Variants in HS3ST3A1 observed in about 807,000 individuals in gnomAD.
HS3ST3A1 encodes heparan sulfate glucosamine 3-O-sulfotransferase 3A1.
HS3ST3A1 carries 19 observed loss-of-function variants against 25.7 expected under a neutral mutation model. The observed-to-expected ratio is 0.74, with a 90% CI of 0.52 to 1.08. The LOEUF (loss-of-function observed/expected upper bound fraction) is 1.08, where lower values mean the gene tolerates loss of function less well. Among genes scored for constraint, HS3ST3A1 ranks in the 50% least tolerant of loss-of-function variants. The pLI, the probability that HS3ST3A1 is intolerant of heterozygous loss-of-function variation, is 0.00. For synonymous variants in HS3ST3A1, 226 were observed against 278.6 expected (o/e 0.81, Z 1.88); for missense variants, 459 against 594.3 (o/e 0.77, Z 2.37).
chr17:13,521,016 T>C (rs909014850), intron 1 of HS3ST3A1, among the ~76,000 whole-genome samples: 1 of 152,110 alleles, frequency 6.6e-6, no homozygotes, highest in African/African-American at 2.4e-5. Flanking sequence ...CTTTCCAAAT[T>C]CTCTATGGTT....
At chr17:13,584,140 G>A (rs980452023) in intron 1 of HS3ST3A1, among the ~76,000 whole-genome samples, 1 of 152,088 alleles carries the variant, frequency 6.6e-6, no homozygotes, top group African/African-American at 2.4e-5. Context: ...ATGTTAATGA[G>A]GAAAAACCAT....
rs369483295 is a variant in HS3ST3A1 at position 13,594,609 on chromosome 17, A to G, written c.599+5922T>C. Among the ~76,000 whole-genome samples, 28 of 152,320 alleles carry G rather than the reference A, an allele frequency of 1.8e-4. No individual in the cohort carries two copies. The East Asian group carries it at 2.3e-3, about 13-fold the overall frequency. On this transcript the variant is annotated intron_variant, in intron 1 of 1. Coordinates refer to ENST00000284110, the MANE Select transcript of HS3ST3A1 (RefSeq NM_006042.3). ...CACAGAGGCAAAACACACTAACAAA[A>G]GTAATCTGGGGCATATGGTATTCCT... is the stretch of plus-strand genomic sequence containing the variant.
At chr17:13,582,973 A>G (rs183979424) in intron 1 of HS3ST3A1, among the ~76,000 whole-genome samples, 1 of 152,336 alleles carries the variant, frequency 6.6e-6, no homozygotes, top group East Asian at 1.9e-4. Flanking sequence ...ACAGCCATTC[A>G]TTCTCCAGAT....
intron 1 of HS3ST3A1, among the ~76,000 whole-genome samples, chr17:13,596,412 C>T (rs902389298): frequency 1.4e-4 from 9 of 66,438 alleles, no homozygotes; most frequent in African/African-American, 3.5e-4. Flanking sequence ...AGGGTGTGCG[C>T]GTGCGTACAC....
chr17:13,572,338 G>T (rs1907838803), intron 1 of HS3ST3A1, among the ~76,000 whole-genome samples: 1 of 152,172 alleles, frequency 6.6e-6, no homozygotes, highest in South Asian at 2.1e-4. Context: ...AGGATCAAAG[G>T]TTGGGCTCCT....
chr17:13,534,740 T>A (rs1350312578), intron 1 of HS3ST3A1, among the ~76,000 whole-genome samples: 1 of 151,324 alleles, frequency 6.6e-6, no homozygotes. Flanking sequence ...AAAAAATAAA[T>A]AATGGCAGGG....
chr17:13,517,699 TG>T (rs1440845955), intron 1 of HS3ST3A1, among the ~76,000 whole-genome samples: 5 of 152,194 alleles, frequency 3.3e-5, no homozygotes, highest in African/African-American at 9.7e-5. Context: ...TCGCCGAGGC[TG>T]GAATGCAGTG....
intron 1 of HS3ST3A1, among the ~76,000 whole-genome samples, chr17:13,551,581 A>G (rs1252597977): frequency 7.1e-6 from 1 of 141,534 alleles, no homozygotes; most frequent in African/African-American, 2.6e-5. Flanking sequence ...TTGGCTCTAA[A>G]CGATTTTCCC....
At chr17:13,498,061 C>T (rs756903959) in intron 1 of HS3ST3A1, among the ~76,000 whole-genome samples, 9 of 152,208 alleles carry the variant, frequency 5.9e-5, no homozygotes, top group Non-Finnish European at 1.0e-4. Flanking sequence ...AAACACCTCA[C>T]ATCCAGCTTC....
At chr17:13,544,406 C>G (rs1480928620) in intron 1 of HS3ST3A1, among the ~76,000 whole-genome samples, 1 of 152,218 alleles carries the variant, frequency 6.6e-6, no homozygotes, top group Non-Finnish European at 1.5e-5. Flanking sequence ...CTGTAGGGGT[C>G]TGGGACGACC....
At chr17:13,582,608 G>A (rs756783354) in intron 1 of HS3ST3A1, among the ~76,000 whole-genome samples, 58 of 152,284 alleles carry the variant, frequency 3.8e-4, no homozygotes, top group Non-Finnish European at 6.6e-4. Flanking sequence ...TTTGCTAAAC[G>A]ATCAAGGAGT....
intron 1 of HS3ST3A1, chr17:13,543,752 T>C (rs1466192759): frequency 6.5e-6 from 1 of 153,704 alleles, no homozygotes; most frequent in Non-Finnish European, 1.5e-5. Context: ...CTGTTAAAGC[T>C]TTTCAAAAGA....
chr17:13,542,747 G>C (rs573946174), intron 1 of HS3ST3A1, among the ~76,000 whole-genome samples: 1 of 152,134 alleles, frequency 6.6e-6, no homozygotes, highest in South Asian at 2.1e-4. Context: ...ATGACTGGTG[G>C]CTGGGGGCTC....
chr17:13,596,657 T>A (rs1908586414), intron 1 of HS3ST3A1, among the ~76,000 whole-genome samples: 1 of 152,156 alleles, frequency 6.6e-6, no homozygotes, highest in African/African-American at 2.4e-5. Flanking sequence ...CCTCATCTAT[T>A]CCCAATGTTC....
intron 1 of HS3ST3A1, among the ~76,000 whole-genome samples, chr17:13,506,352 T>G (rs1346043521): frequency 6.6e-6 from 1 of 152,218 alleles, no homozygotes; most frequent in East Asian, 1.9e-4. Context: ...TCAATGTCTG[T>G]AGGACTTTCC....
At chr17:13,498,278 A>T (rs189678930) in intron 1 of HS3ST3A1, among the ~76,000 whole-genome samples, 2 of 152,264 alleles carry the variant, frequency 1.3e-5, no homozygotes, top group African/African-American at 4.8e-5. Flanking sequence ...TTAATGATGC[A>T]GGTACTGGGA....
intron 1 of HS3ST3A1, among the ~76,000 whole-genome samples, chr17:13,576,396 T>C (rs1024501870): frequency 1.3e-5 from 2 of 152,192 alleles, no homozygotes; most frequent in African/African-American, 4.8e-5. Context: ...GGCCTCTCCA[T>C]AGGCGCTGCT....
At chr17:13,562,277 AT>A (rs1907569069) in intron 1 of HS3ST3A1, among the ~76,000 whole-genome samples, 1 of 152,124 alleles carries the variant, frequency 6.6e-6, no homozygotes, top group South Asian at 2.1e-4. Flanking sequence ...AGACACAGTC[AT>A]GGTCTGGAGG....
In HS3ST3A1 at chr17:13,494,925, T is replaced by C. The variant is rs1795716208; in HGVS notation, c.*1272A>G. Among the ~76,000 whole-genome samples, 1 of 152,066 alleles carries C rather than the reference T, an allele frequency of 6.6e-6. No homozygotes were observed. The highest frequency in any genetic ancestry group is 2.4e-5 in the African/African-American group (1 of 41,404). On this transcript the variant is annotated 3_prime_UTR_variant, in exon 2 of 2. Transcript: ENST00000284110. Reference sequence around the variant, plus strand: ...AACATTAGGTTATAAATGGTATAAATAGGAAGTGGGAGGGGGGAATAAAGT... The same window carrying C: ...AACATTAGGTTATAAATGGTATAAACAGGAAGTGGGAGGGGGGAATAAAGT...
Sources: gnomAD v4.1 joint callset for allele counts (sites outside exome capture counted in the v4.1 genomes callset) on GRCh38, gnomAD v4.1.1 for gene constraint, MANE v1.5 for transcripts, NCBI Gene and HGNC (gene_info 2026-07-23, HGNC 2026-07-21) for gene names.